UBE2U: variants seen among roughly 807,000 people sequenced by gnomAD.
The protein encoded by UBE2U is ubiquitin-conjugating enzyme E2 U.
In UBE2U, 39 loss-of-function variants were observed where a neutral mutation model predicts 41.2. The ratio of observed to expected loss-of-function variants is 0.95; its 90% confidence interval spans 0.73 to 1.24. The LOEUF is 1.24. Ranked by LOEUF, UBE2U falls within the 50% of genes most tolerant of loss-of-function variation. UBE2U has a pLI of 0.00. For missense variants in UBE2U, 336 were observed against 363.1 expected (o/e 0.93, Z 0.61); for synonymous variants, 107 against 117.8 (o/e 0.91, Z 0.60).
At chr1:64,232,673 A>G (rs1332787286) in intron 7 of UBE2U, 24 bp downstream of exon 7, 2 of 1,567,410 alleles carry the variant, frequency 1.3e-6, no homozygotes, top group Non-Finnish European at 1.7e-6. Flanking sequence ...TCCTTATCCT[A>G]TGTCCTTTTG....
At position 64,211,923 on chromosome 1, in the gene UBE2U, A is replaced by G. The variant is rs825177; in HGVS notation, c.339+1084A>G. Among the ~76,000 whole-genome samples the G allele has an allele frequency of 8.0e-3, 1,222 of 152,342 alleles. 14 individuals are homozygous for G. Among genetic ancestry groups the G allele is most frequent in the African/African-American group, 0.028 (1,158 of 41,566 alleles). On this transcript the variant is annotated intron_variant, in intron 4 of 9. Transcript: ENST00000371077. ...CATTTTGATTATCTAGAATACTTGGAATATAAAATACTCTGGCATAATTGA... is the reference window on the plus strand; with the variant it reads ...CATTTTGATTATCTAGAATACTTGGGATATAAAATACTCTGGCATAATTGA...
chr1:64,227,456 T>A (rs1032076990), intron 6 of UBE2U, among the ~76,000 whole-genome samples: 1 of 152,190 alleles, frequency 6.6e-6, no homozygotes, highest in African/African-American at 2.4e-5. Flanking sequence ...GATTAAAAAT[T>A]AACTATGTTT....
chr1:64,239,166 G>GAAGAAGAA (rs1644776154), intron 7 of UBE2U, among the ~76,000 whole-genome samples: 1 of 84,730 alleles, frequency 1.2e-5, no homozygotes, highest in East Asian at 5.1e-4. Flanking sequence ...GAAAGAAGAA[G>GAAGAAGAA]AAGAAGAAGA....
chr1:64,259,588 C>T lies in UBE2U; in HGVS notation c.678-1015C>T, dbSNP rs543982145. 2.0e-5 allele frequency among the ~76,000 whole-genome samples: 3 copies of T among 152,112 alleles called. No individual in the cohort carries two copies. The South Asian group carries it at 6.3e-4, about 32-fold the overall frequency. The stretch of plus-strand genomic sequence containing the variant: ...CATTTATTAAATAGGGAATCCTTTC[C>T]CCATTTCTTGTTTTTGACAAAAACA... On this transcript the variant is annotated intron_variant, in intron 8 of 9. Transcript: ENST00000371077.
intron 6 of UBE2U, among the ~76,000 whole-genome samples, chr1:64,229,875 A>G (rs578061249): frequency 6.6e-6 from 1 of 152,114 alleles, no homozygotes; most frequent in African/African-American, 2.4e-5. Flanking sequence ...TGTTGATTTG[A>G]CCCAAATCTC....
chr1:64,244,061 C>G, intron 8 of UBE2U: 1 of 1,052,408 alleles, frequency 9.5e-7, no homozygotes, highest in Non-Finnish European at 1.5e-6. Flanking sequence ...TGGTGCATGG[C>G]AAGCACTCAT....
At chr1:64,237,304 G>GAAAAAAAAAAAAAAAAAA (rs35861714) in intron 7 of UBE2U, among the ~76,000 whole-genome samples, 1 of 95,796 alleles carries the variant, frequency 1.0e-5, no homozygotes. Flanking sequence ...ATGTATCATA[G>GAAAAAAAAAAAAAAAAAA]AAAAAAAAAA....
chr1:64,259,276 TG>T (rs1302889226), intron 8 of UBE2U, among the ~76,000 whole-genome samples: 1 of 152,118 alleles, frequency 6.6e-6, no homozygotes, highest in East Asian at 1.9e-4. Flanking sequence ...GTAGGTTGCC[TG>T]TTCACTCTGA....
intron 8 of UBE2U, among the ~76,000 whole-genome samples, chr1:64,245,587 G>A (rs1296754726): frequency 1.3e-5 from 2 of 152,148 alleles, no homozygotes; most frequent in African/African-American, 4.8e-5. Flanking sequence ...ACATGGCTGA[G>A]TACTTCCTGT....
chr1:64,252,728 A>ACAG (rs1645031593), intron 8 of UBE2U, among the ~76,000 whole-genome samples: 1 of 152,140 alleles, frequency 6.6e-6, no homozygotes, highest in Non-Finnish European at 1.5e-5. Context: ...AACAACAACA[A>ACAG]CAAAGACCCC....
At chr1:64,259,278 T>A (rs1387508552) in intron 8 of UBE2U, among the ~76,000 whole-genome samples, 1 of 152,206 alleles carries the variant, frequency 6.6e-6, no homozygotes, top group East Asian at 1.9e-4. Context: ...AGGTTGCCTG[T>A]TCACTCTGAT....
intron 4 of UBE2U, among the ~76,000 whole-genome samples, chr1:64,212,675 A>G (rs886175977): frequency 6.6e-6 from 1 of 152,198 alleles, no homozygotes; most frequent in African/African-American, 2.4e-5. Flanking sequence ...CATTACATAT[A>G]CTTACCATTT....
chr1:64,252,346 G>T (rs900225244), intron 8 of UBE2U, among the ~76,000 whole-genome samples: 10 of 152,188 alleles, frequency 6.6e-5, no homozygotes, highest in Non-Finnish European at 1.2e-4. Flanking sequence ...AGGCCAGGTG[G>T]TCTGGACGAG....
At chr1:64,250,275 G>T (rs1052582287) in intron 8 of UBE2U, among the ~76,000 whole-genome samples, 2 of 152,092 alleles carry the variant, frequency 1.3e-5, no homozygotes, top group African/African-American at 4.8e-5. Context: ...CATCTACCAA[G>T]CCTCACTTAA....
At position 64,204,064 on chromosome 1, in the gene UBE2U, C is replaced by G. The variant is rs770420711; in HGVS notation, c.14C>G (p.Ala5Gly). The change falls in exon 1 of 10, where the codon GCT becomes GGT. Residue 5 changes from alanine to glycine, a missense_variant. Coordinates refer to ENST00000371077, the MANE Select transcript of UBE2U (RefSeq NM_001366232.2). ...CCGCTGCCTATCATGCACGGCAGAG[C>G]TTACCTCTTGCTGCACAGAGACTTC... MHGRAYLLLHRDFCD... is the reference protein window; with the variant it reads MHGRGYLLLHRDFCD... 1.9e-6 allele frequency: 3 copies of G among 1,613,816 alleles called. No individual in the cohort carries two copies. Among genetic ancestry groups the G allele is most frequent in the Non-Finnish European group, 2.5e-6 (3 of 1,179,926 alleles).
intron 8 of UBE2U, among the ~76,000 whole-genome samples, chr1:64,243,368 T>C (rs1424822064): frequency 2.6e-5 from 4 of 152,136 alleles, no homozygotes; most frequent in Non-Finnish European, 5.9e-5. Context: ...ATCTAAAGAA[T>C]GGCAAAATTC....
At position 64,234,650 on chromosome 1, in the gene UBE2U, T is replaced by C. The variant is rs531488343; in HGVS notation, c.595+2001T>C. Among the ~76,000 whole-genome samples the C allele has an allele frequency of 1.2e-4, 19 of 152,318 alleles. No homozygotes were observed. The South Asian group carries it at 3.7e-3, about 30-fold the overall frequency. ...GATTATATATCACCATCCTCACTCA[T>C]AGGTCAAAACAATTTAAGGTACATC... On this transcript the variant is annotated intron_variant, in intron 7 of 9. Coordinates refer to ENST00000371077, the MANE Select transcript of UBE2U (RefSeq NM_001366232.2).
chr1:64,241,855 C>A, intron 8 of UBE2U, 122 bp downstream of exon 8: 1 of 650,822 alleles, frequency 1.5e-6, no homozygotes, highest in South Asian at 2.4e-5. Context: ...ATACCCTTTT[C>A]TCAGTATAAG....
intron 8 of UBE2U, among the ~76,000 whole-genome samples, chr1:64,255,539 C>G (rs1186538469): frequency 6.6e-6 from 1 of 152,202 alleles, no homozygotes. Context: ...TACTGGCCAA[C>G]TGAATCTAGC....
Sources: allele counts gnomAD v4.1 joint callset (sites outside exome capture counted in the v4.1 genomes callset), GRCh38; gene constraint gnomAD v4.1.1; transcripts MANE v1.5; gene names NCBI Gene and HGNC (gene_info 2026-07-23, HGNC 2026-07-21).